Variants in CSMD1 observed in about 807,000 individuals in gnomAD.
The protein encoded by CSMD1 is CUB and sushi domain-containing protein 1.
A neutral mutation model predicts 417.5 loss-of-function variants in CSMD1; 213 were observed. The ratio of observed to expected loss-of-function variants is 0.51; its 90% CI spans 0.46 to 0.57. The LOEUF is 0.57. Ranked by LOEUF, CSMD1 falls within the 20% of genes least tolerant of loss-of-function variation. The probability of loss-of-function intolerance (pLI) is 0.00; values close to 1 mark genes in which losing one functional copy is unlikely to be tolerated. For synonymous variants in CSMD1, 2,862 were observed against 1,736.8 expected, an observed-to-expected ratio of 1.65 and a Z score of -16.11; for missense variants, 6,923 against 4,529.7, an observed-to-expected ratio of 1.53 and a Z score of -15.17.
At chr8:3,662,771 T>G (rs1409941856) in intron 7 of CSMD1, among the ~76,000 whole-genome samples, 1 of 151,468 alleles carries the variant, frequency 6.6e-6, no homozygotes. Context: ...TTCTCACTCA[T>G]AAGTGGGGTT....
In CSMD1 at chr8:3,170,051, G is replaced by A. The variant is rs566310350; in HGVS notation, c.5726-7774C>T. Reference sequence around the variant, plus strand: ...GGGAAAGGACACAAGTGCAGGAGTCGCGTTAGGCATAAAAGCTTCTACTCT... The same window carrying A: ...GGGAAAGGACACAAGTGCAGGAGTCACGTTAGGCATAAAAGCTTCTACTCT... On this transcript the variant is annotated intron_variant, in intron 37 of 69. Transcript: ENST00000635120. Among the ~76,000 whole-genome samples the A allele has an allele frequency of 1.8e-4, 28 of 152,360 alleles. No homozygotes were observed. In the South Asian group the frequency reaches 1.9e-3, roughly 10 times the overall value.
chr8:3,300,836 G>A (rs1286879085), intron 25 of CSMD1, among the ~76,000 whole-genome samples: 1 of 151,554 alleles, frequency 6.6e-6, no homozygotes, highest in Non-Finnish European at 1.5e-5. Flanking sequence ...GCACATGCAT[G>A]TAATCCCAGC....
At chr8:3,602,222 T>G (rs975685847) in intron 8 of CSMD1, among the ~76,000 whole-genome samples, 3 of 152,292 alleles carry the variant, frequency 2.0e-5, no homozygotes, top group African/African-American at 7.2e-5. Flanking sequence ...CCTGACCAAT[T>G]AAACCAGAAC....
intron 3 of CSMD1, among the ~76,000 whole-genome samples, chr8:4,320,318 G>A (rs1407491495): frequency 6.6e-6 from 1 of 151,968 alleles, no homozygotes; most frequent in Non-Finnish European, 1.5e-5. Flanking sequence ...ATACCTTCAG[G>A]CTATTTGTTT....
At chr8:3,271,556 G>A (rs192523360) in intron 26 of CSMD1, among the ~76,000 whole-genome samples, 1 of 151,110 alleles carries the variant, frequency 6.6e-6, no homozygotes, top group East Asian at 2.0e-4. Context: ...CAGTGTAAAA[G>A]TGTTCCTATT....
At chr8:4,077,888 A>C (rs1289123415) in intron 3 of CSMD1, among the ~76,000 whole-genome samples, 1 of 152,122 alleles carries the variant, frequency 6.6e-6, no homozygotes, top group Non-Finnish European at 1.5e-5. Context: ...ATTGATGCCC[A>C]ATATAGCAAT....
chr8:3,040,099 A>G (rs897228556), intron 50 of CSMD1, among the ~76,000 whole-genome samples: 1 of 152,118 alleles, frequency 6.6e-6, no homozygotes, highest in Non-Finnish European at 1.5e-5. Context: ...TCTCACCTCT[A>G]CTTTTCCTCC....
intron 1 of CSMD1, among the ~76,000 whole-genome samples, chr8:4,644,725 C>T (rs1803410440): frequency 6.6e-6 from 1 of 152,216 alleles, no homozygotes; most frequent in South Asian, 2.1e-4. Flanking sequence ...CTATTGTATT[C>T]CCTTATAGCA....
At chr8:4,842,881 C>A (rs1800922503) in intron 1 of CSMD1, among the ~76,000 whole-genome samples, 1 of 152,094 alleles carries the variant, frequency 6.6e-6, no homozygotes, top group Non-Finnish European at 1.5e-5. Context: ...ATCAATAGAA[C>A]AATGGAAACG....
intron 11 of CSMD1, among the ~76,000 whole-genome samples, chr8:3,470,055 G>C (rs551861207): frequency 1.3e-5 from 2 of 151,880 alleles, no homozygotes; most frequent in Non-Finnish European, 2.9e-5. Context: ...TTTTTACAAA[G>C]TGAACCGCCA....
At chr8:4,370,221 C>T (rs185380237) in intron 3 of CSMD1, among the ~76,000 whole-genome samples, 217 of 151,826 alleles carry the variant, frequency 1.4e-3, no homozygotes, top group Non-Finnish European at 2.1e-3. Flanking sequence ...TGGTGAGATA[C>T]GAAATTCTTG....
At chr8:4,969,541 AAAT>A (rs2117374379) in intron 1 of CSMD1, among the ~76,000 whole-genome samples, 1 of 151,752 alleles carries the variant, frequency 6.6e-6, no homozygotes, top group African/African-American at 2.4e-5. Flanking sequence ...AGTGTCTAGG[AAAT>A]AATATTACTC....
intron 5 of CSMD1, among the ~76,000 whole-genome samples, chr8:3,983,920 G>C (rs971697200): frequency 4.5e-4 from 24 of 53,572 alleles, no homozygotes; most frequent in African/African-American, 1.1e-3. Context: ...CCGCACATCT[G>C]ACAGGGCTGT....
At chr8:3,149,296 T>C (rs1420928561) in intron 40 of CSMD1, among the ~76,000 whole-genome samples, 1 of 152,194 alleles carries the variant, frequency 6.6e-6, no homozygotes, top group African/African-American at 2.4e-5. Flanking sequence ...TTTATACCAA[T>C]TTTATTTTAT....
At chr8:3,508,610 G>C (rs1796934345) in intron 10 of CSMD1, among the ~76,000 whole-genome samples, 1 of 152,136 alleles carries the variant, frequency 6.6e-6, no homozygotes, top group African/African-American at 2.4e-5. Flanking sequence ...CGATGTGTGA[G>C]AAAATTTTAA....
intron 41 of CSMD1, among the ~76,000 whole-genome samples, chr8:3,121,568 T>C (rs1817206779): frequency 6.6e-6 from 1 of 152,200 alleles, no homozygotes; most frequent in South Asian, 2.1e-4. Context: ...CACTGGATTA[T>C]GTCGCTCATT....
chr8:4,183,059 C>G (rs1798467546), intron 3 of CSMD1, among the ~76,000 whole-genome samples: 1 of 152,118 alleles, frequency 6.6e-6, no homozygotes, highest in South Asian at 2.1e-4. Flanking sequence ...TGCACAGATA[C>G]CACTGCTAGA....
At chr8:3,733,257 T>TACAC (rs1554525032) in intron 6 of CSMD1, among the ~76,000 whole-genome samples, 1 of 79,460 alleles carries the variant, frequency 1.3e-5, no homozygotes, top group Non-Finnish European at 2.5e-5. Flanking sequence ...TTAATATATA[T>TACAC]ACACATACAC....
intron 6 of CSMD1, among the ~76,000 whole-genome samples, chr8:3,715,058 C>T (rs1362697689): frequency 1.3e-5 from 2 of 152,108 alleles, no homozygotes; most frequent in East Asian, 3.9e-4. Flanking sequence ...ACATAATCCC[C>T]TTCCCCTCCA....
Sources: gnomAD v4.1 joint callset for allele counts (sites outside exome capture counted in the v4.1 genomes callset) on GRCh38, gnomAD v4.1.1 for gene constraint, MANE v1.5 for transcripts, NCBI Gene and HGNC (gene_info 2026-07-23, HGNC 2026-07-21) for gene names.